The following GLB1 variants were observed in gnomAD, a reference collection of about 807,000 sequenced individuals.
The protein encoded by GLB1 is beta-galactosidase.
In GLB1, 56 loss-of-function variants were observed where a neutral mutation model predicts 74.0. The observed-to-expected ratio is 0.76, with a 90% CI of 0.61 to 0.94. GLB1 has a LOEUF of 0.94. GLB1 is among the 40% of genes least tolerant of loss of function. The pLI is 0.00. For synonymous variants in GLB1, 323 were observed against 323.6 expected (o/e 1.00, Z 0.02); for missense variants, 787 against 845.5 (o/e 0.93, Z 0.86).
chr3:33,068,670 G>A, intron 3 of GLB1, 150 bp downstream of exon 3: 3 of 1,458,650 alleles, frequency 2.1e-6, no homozygotes, highest in Admixed American at 2.0e-5. Context: ...CTCTGCCTGG[G>A]CACCTTGTCA....
In GLB1 at chr3:33,024,391, T is replaced by C. The variant is rs538426204; in HGVS notation, c.1069-66A>G. The C allele has an allele frequency of 2.0e-4, 300 of 1,500,934 alleles. 1 individual carries two copies. Among genetic ancestry groups the C allele is most frequent in the Admixed American group, 1.1e-3 (53 of 49,884 alleles). The allele number at this position is 1,500,934 out of a possible 1,614,324, so 93.0% of individuals were successfully genotyped here. ...TGGTAAACCTTCAGAAACATATTCA[T>C]AAAATTTATTATTTGAAAGCAAGGT... On this transcript the variant is annotated intron_variant, in intron 10 of 15. Transcript: ENST00000307363.
intron 3 of GLB1, 87 bp downstream of exon 3, chr3:33,068,733 T>G (rs959629477): frequency 6.2e-7 from 1 of 1,608,270 alleles, no homozygotes; most frequent in African/African-American, 1.3e-5. Flanking sequence ...CTCTCTGGAA[T>G]GCAGGTCTGC....
At chr3:32,985,033 A>T in the GLB1 span, among the ~76,000 whole-genome samples, 1 of 136,464 alleles carries the variant, frequency 7.3e-6, no homozygotes, top group Non-Finnish European at 1.5e-5. Flanking sequence ...TGAGCCCAGG[A>T]GGTTGAGGCT....
chr3:33,049,509 T>C (rs913291726), intron 9 of GLB1, among the ~76,000 whole-genome samples: 1 of 152,100 alleles, frequency 6.6e-6, no homozygotes, highest in Admixed American at 6.5e-5. Flanking sequence ...CTCCACCACC[T>C]GGGTTCAAGT....
the GLB1 span, among the ~76,000 whole-genome samples, chr3:32,984,680 T>C: frequency 8.6e-5 from 13 of 151,908 alleles, no homozygotes; most frequent in African/African-American, 3.1e-4. Flanking sequence ...TCCCAGCACT[T>C]TGGGAGGCTG....
chr3:33,020,029 T>C (rs952974901), intron 12 of GLB1, among the ~76,000 whole-genome samples: 2 of 152,138 alleles, frequency 1.3e-5, no homozygotes, highest in South Asian at 2.1e-4. Flanking sequence ...CGTGTTCATA[T>C]AGTAACCTGG....
At chr3:32,975,580 G>A in the GLB1 span, among the ~76,000 whole-genome samples, 1 of 152,170 alleles carries the variant, frequency 6.6e-6, no homozygotes, top group South Asian at 2.1e-4. Context: ...AGATGGATTA[G>A]TAGAAAAGGA....
chr3:33,093,993 A>C lies in GLB1; in HGVS notation c.75+3018T>G, dbSNP rs200692096. On this transcript the variant is annotated intron_variant, in intron 1 of 15. Transcript: ENST00000307363. This position sits in a 1 kb window ranked among gnomAD's most constrained non-coding sequence, Gnocchi z 6.0. ...AGCTGGGGAGTGGCAGAGGTTGCTC[A>C]CTGTGCTGCGCCAAATGTAGAGGGA... 87 of 1,614,102 alleles carry C rather than the reference A, an allele frequency of 5.4e-5. No individual in the cohort carries two copies. The highest frequency in any genetic ancestry group is 7.1e-5 in the Non-Finnish European group (84 of 1,180,044).
intron 1 of GLB1, among the ~76,000 whole-genome samples, chr3:33,073,243 T>C (rs534034836): frequency 3.9e-5 from 6 of 152,132 alleles, no homozygotes; most frequent in Non-Finnish European, 7.4e-5. Context: ...ATAAGTCCCA[T>C]CTCTAACCCT....
chr3:33,042,477 T>C (rs796569913), intron 10 of GLB1, among the ~76,000 whole-genome samples: 2 of 147,436 alleles, frequency 1.4e-5, no homozygotes, highest in African/African-American at 2.5e-5. Context: ...ACGCCATTCT[T>C]CTGCCTCAGC....
chr3:33,085,100 C>T (rs771564085), intron 1 of GLB1, among the ~76,000 whole-genome samples: 2 of 151,900 alleles, frequency 1.3e-5, no homozygotes, highest in Non-Finnish European at 2.9e-5. Context: ...AATGAGATCC[C>T]ATCCCTATAA....
chr3:33,083,110 G>A (rs1177364194), intron 1 of GLB1, among the ~76,000 whole-genome samples: 1 of 152,092 alleles, frequency 6.6e-6, no homozygotes, highest in African/African-American at 2.4e-5. Flanking sequence ...AAAAAAAGTG[G>A]GAATAGGCCA....
At chr3:32,987,355 T>C in the GLB1 span, among the ~76,000 whole-genome samples, 1 of 152,216 alleles carries the variant, frequency 6.6e-6, no homozygotes, top group African/African-American at 2.4e-5. Flanking sequence ...TATAGCAGAA[T>C]CATGAACTAA....
chr3:32,984,715 A>G, the GLB1 span, among the ~76,000 whole-genome samples: 32 of 151,744 alleles, frequency 2.1e-4, no homozygotes, highest in African/African-American at 7.7e-4. Context: ...TGAGGTCAGG[A>G]GTTTGAGACC....
downstream of GLB1, among the ~76,000 whole-genome samples, chr3:32,994,484 G>C (rs1202068116): frequency 3.9e-5 from 6 of 152,184 alleles, no homozygotes; most frequent in Non-Finnish European, 8.8e-5. Context: ...TAAGGTTATT[G>C]AGAGAAATCA....
chr3:33,096,963 G>C, intron 1 of GLB1, 48 bp downstream of exon 1: 1 of 1,599,170 alleles, frequency 6.3e-7, no homozygotes, highest in Non-Finnish European at 8.5e-7. Flanking sequence ...TTCCCCGCCA[G>C]CCTGTCCCCT....
chr3:33,061,562 CT>C (rs1186608108), intron 5 of GLB1: 1 of 152,186 alleles, frequency 6.6e-6, no homozygotes, highest in Non-Finnish European at 1.5e-5. Flanking sequence ...TATACTTTTA[CT>C]TACAAAAAAA....
rs1411044701 is a variant in GLB1 at position 33,024,322 on chromosome 3, C to G, written c.1072G>C (p.Glu358Gln). Reference sequence around the variant, plus strand: ...GGGATAGGACCTTCTGGTACTTTTTCAAACTATAAACCAGAGTAGAAAAAG... The same window carrying G: ...GGGATAGGACCTTCTGGTACTTTTTGAAACTATAAACCAGAGTAGAAAAAG... ...FALRNIIQKF[E>Q]KVPEGPIPPS... The change falls in exon 11 of 16, where the codon GAA (glutamate) becomes CAA (glutamine). Residue 358 changes from glutamate to glutamine, a missense_variant. Transcript: ENST00000307363. 4 of 1,611,784 alleles carry G rather than the reference C, an allele frequency of 2.5e-6. No homozygotes were observed. Among genetic ancestry groups the G allele is most frequent in the Non-Finnish European group, 3.4e-6 (4 of 1,179,568 alleles).
chr3:33,054,451 G>A (rs58007965), intron 6 of GLB1, among the ~76,000 whole-genome samples: 11,549 of 152,074 alleles, frequency 0.076, 1,066 homozygotes, highest in East Asian at 0.48. Context: ...CTTTATCTGT[G>A]TTTCCCCAGG....
Sources: gnomAD v4.1 joint callset for allele counts (sites outside exome capture counted in the v4.1 genomes callset) on GRCh38, gnomAD v4.1.1 for gene constraint, Gnocchi (gnomAD v3.1) non-coding constraint, MANE v1.5 for transcripts, NCBI Gene and HGNC (gene_info 2026-07-23, HGNC 2026-07-21) for gene names.